CTNNA2: variants seen among roughly 807,000 people sequenced by gnomAD.
The protein encoded by CTNNA2 is catenin alpha-2.
CTNNA2 carries 42 observed loss-of-function variants against 101.0 expected under a neutral mutation model. That is an observed-to-expected ratio of 0.42 (90% CI 0.32 to 0.54). The LOEUF (loss-of-function observed/expected upper bound fraction) is 0.54, where lower values mean the gene tolerates loss of function less well. Ranked by LOEUF, CTNNA2 falls within the 20% of genes least tolerant of loss-of-function variation. CTNNA2 has a pLI of 0.14. For synonymous variants in CTNNA2, 450 were observed against 456.4 expected (o/e 0.99, Z 0.18); for missense variants, 871 against 1,223.1 (o/e 0.71, Z 4.29).
chr2:80,211,033 C>T (rs576521147), intron 7 of CTNNA2, among the ~76,000 whole-genome samples: 1 of 152,280 alleles, frequency 6.6e-6, no homozygotes, highest in South Asian at 2.1e-4. Flanking sequence ...AGTGTCTGTT[C>T]ATATCCTTTG....
At chr2:80,201,442 C>T (rs1015003840) in intron 7 of CTNNA2, among the ~76,000 whole-genome samples, 4 of 136,976 alleles carry the variant, frequency 2.9e-5, no homozygotes, top group Non-Finnish European at 4.5e-5. Context: ...GGTGCAAACT[C>T]GGCTCACTGC....
Position 80,640,108 on chromosome 2 carries a change from A to C in CTNNA2, c.2575-7477A>C, listed in dbSNP as rs141641593. On this transcript the variant is annotated intron_variant, in intron 18 of 18. Coordinates refer to ENST00000402739, the MANE Select transcript of CTNNA2 (RefSeq NM_001282597.3). ...CAGCGAGATAACATCTCAAAAAAAA[A>C]CAAAAAAACAAAAAAGTCAGTATCA... Among the ~76,000 whole-genome samples, 571 of 152,224 alleles carry C rather than the reference A, an allele frequency of 3.8e-3. 6 individuals are homozygous for C. The highest frequency in any genetic ancestry group is 0.013 in the African/African-American group (538 of 41,520).
intron 2 of CTNNA2, among the ~76,000 whole-genome samples, chr2:79,285,932 G>A (rs1394025322): frequency 6.8e-6 from 1 of 147,460 alleles, no homozygotes. Flanking sequence ...ATGAATCTGG[G>A]TGCTCCTGTA....
intron 2 of CTNNA2, among the ~76,000 whole-genome samples, chr2:79,231,259 G>A (rs7605742): frequency 0.086 from 13,144 of 152,198 alleles, 775 homozygotes; most frequent in East Asian, 0.18. Context: ...ACCCAGTGGG[G>A]GGTAACTGAA....
intron 7 of CTNNA2, among the ~76,000 whole-genome samples, chr2:80,011,824 T>C (rs11884467): frequency 0.04 from 6,043 of 152,280 alleles, 389 homozygotes; most frequent in African/African-American, 0.14. Flanking sequence ...TAACATGTTT[T>C]TTTAGAAACA....
intron 4 of CTNNA2, among the ~76,000 whole-genome samples, chr2:79,415,598 T>C (rs1307350115): frequency 6.6e-6 from 1 of 151,996 alleles, no homozygotes; most frequent in Non-Finnish European, 1.5e-5. Flanking sequence ...TCTTAAGGAA[T>C]ACTATGTGGG....
intron 7 of CTNNA2, among the ~76,000 whole-genome samples, chr2:79,956,011 T>A (rs1689200051): frequency 1.3e-5 from 2 of 152,238 alleles, no homozygotes; most frequent in African/African-American, 4.8e-5. Context: ...TAACAGGATG[T>A]GTGCAATTCC....
chr2:80,558,854 A>C (rs901173854), intron 12 of CTNNA2, among the ~76,000 whole-genome samples: 1 of 151,972 alleles, frequency 6.6e-6, no homozygotes, highest in African/African-American at 2.4e-5. Flanking sequence ...TTTTTGTTTG[A>C]TATTTTATTT....
chr2:79,518,736 G>A (rs917244254), intron 1 of CTNNA2, among the ~76,000 whole-genome samples: 3 of 152,212 alleles, frequency 2.0e-5, no homozygotes, highest in Admixed American at 2.0e-4. Context: ...CAGTGAGGAA[G>A]TAGCAATGTC....
Position 79,410,519 on chromosome 2 carries a change from T to C in CTNNA2, c.-135+36506T>C, listed in dbSNP as rs537640301. Among the ~76,000 whole-genome samples the C allele has an allele frequency of 7.9e-5, 12 of 152,326 alleles. No homozygotes were observed. In the East Asian group the frequency reaches 1.9e-3, roughly 25 times the overall value. ...GAGAGTTTTTAGCATGAAGAGTTGG[T>C]GAATTTTGTCAAAGTTCTTTTCTGC... On this transcript the variant is annotated intron_variant, in intron 4 of 21. Coordinates refer to the CTNNA2 transcript ENST00000466387.
chr2:79,836,918 C>G (rs1336026477), intron 3 of CTNNA2, among the ~76,000 whole-genome samples: 3 of 152,116 alleles, frequency 2.0e-5, no homozygotes, highest in Admixed American at 6.6e-5. Context: ...GTAAGGACAC[C>G]AGTCATATTG....
intron 9 of CTNNA2, among the ~76,000 whole-genome samples, chr2:80,541,437 T>TTCCCCCTACTAAGTA (rs1691545981): frequency 6.6e-6 from 1 of 152,178 alleles, no homozygotes; most frequent in Non-Finnish European, 1.5e-5. Flanking sequence ...ATTGCTAGCT[T>TTCCCCCTACTAAGTA]GGTTTCCCCC....
intron 7 of CTNNA2, among the ~76,000 whole-genome samples, chr2:80,039,468 A>C (rs775071331): frequency 2.0e-5 from 3 of 152,202 alleles, no homozygotes; most frequent in Non-Finnish European, 2.9e-5. Flanking sequence ...CTCAGAAGAA[A>C]AGTGAAATTC....
At chr2:80,560,491 TATTA>T (rs1462236907) in intron 12 of CTNNA2, among the ~76,000 whole-genome samples, 4 of 152,174 alleles carry the variant, frequency 2.6e-5, no homozygotes, top group Non-Finnish European at 5.9e-5. Flanking sequence ...AATGGGTCGG[TATTA>T]ATTGCGTAAT....
At chr2:80,254,905 C>T (rs1387571148) in intron 7 of CTNNA2, among the ~76,000 whole-genome samples, 1 of 152,032 alleles carries the variant, frequency 6.6e-6, no homozygotes, top group South Asian at 2.1e-4. Flanking sequence ...GAGACAGAAC[C>T]TGGGTACTGG....
chr2:79,638,477 C>CTA (rs1201390122), intron 1 of CTNNA2, among the ~76,000 whole-genome samples: 1 of 152,184 alleles, frequency 6.6e-6, no homozygotes, highest in Non-Finnish European at 1.5e-5. Context: ...CTGTGAAAGA[C>CTA]TTCTAGGCAA....
chr2:80,036,848 T>TGTGA (rs1402170411), intron 7 of CTNNA2, among the ~76,000 whole-genome samples: 9 of 120,236 alleles, frequency 7.5e-5, no homozygotes, highest in African/African-American at 2.6e-4. Context: ...TGTGTGTGTG[T>TGTGA]GAGAGAGAGA....
intron 1 of CTNNA2, among the ~76,000 whole-genome samples, chr2:79,591,393 C>G (rs910805874): frequency 6.6e-6 from 1 of 152,122 alleles, no homozygotes; most frequent in Non-Finnish European, 1.5e-5. Flanking sequence ...ATAGAATGCT[C>G]CTGACATTGA....
chr2:79,968,677 C>A (rs1017057202), intron 7 of CTNNA2, among the ~76,000 whole-genome samples: 1 of 152,104 alleles, frequency 6.6e-6, no homozygotes, highest in Non-Finnish European at 1.5e-5. Flanking sequence ...AAAATATAAA[C>A]AATCCCCCCA....
Sources: gnomAD v4.1 joint callset for allele counts (sites outside exome capture counted in the v4.1 genomes callset) on GRCh38, gnomAD v4.1.1 for gene constraint, MANE v1.5 for transcripts, NCBI Gene and HGNC (gene_info 2026-07-23, HGNC 2026-07-21) for gene names.